CSPP1: variants seen among roughly 807,000 people sequenced by gnomAD.
CSPP1 encodes centrosome and spindle pole associated protein 1.
In CSPP1, 126 loss-of-function variants were observed where a neutral mutation model predicts 164.4. The observed-to-expected ratio is 0.77, with a 90% CI of 0.66 to 0.89. The LOEUF is 0.89. Ranked by LOEUF, CSPP1 falls within the 40% of genes least tolerant of loss-of-function variation. The probability of loss-of-function intolerance (pLI) is 0.00; values close to 1 mark genes in which losing one functional copy is unlikely to be tolerated. For synonymous variants in CSPP1, 472 were observed against 476.7 expected, an observed-to-expected ratio of 0.99 and a Z score of 0.13; for missense variants, 1,395 against 1,449.8, an observed-to-expected ratio of 0.96 and a Z score of 0.61.
intron 15 of CSPP1, among the ~76,000 whole-genome samples, chr8:67,123,594 CT>C (rs1371871507): frequency 1.3e-5 from 2 of 149,006 alleles, no homozygotes; most frequent in Non-Finnish European, 3.0e-5. Flanking sequence ...CCTTTATTAC[CT>C]TCTTTTTCTT....
At chr8:67,172,602 C>A in intron 25 of CSPP1, 47 bp downstream of exon 25, 2 of 1,491,288 alleles carry the variant, frequency 1.3e-6, no homozygotes, top group Non-Finnish European at 1.8e-6. Context: ...AGTGTTCTAC[C>A]CATATTTAAA....
chr8:67,184,093 TC>T (rs1563778247), intron 28 of CSPP1, among the ~76,000 whole-genome samples: 2 of 152,062 alleles, frequency 1.3e-5, no homozygotes, highest in Admixed American at 6.6e-5. Context: ...CCTCAGGTGA[TC>T]CCCCGGCCTT....
At chr8:67,086,154 C>T (rs1277282232) in intron 4 of CSPP1, 44 bp downstream of exon 4, 1 of 922,096 alleles carries the variant, frequency 1.1e-6, no homozygotes, top group Admixed American at 1.7e-5. Flanking sequence ...TTTCAGAATT[C>T]AGCTCCTAAA....
At position 67,091,840 on chromosome 8, in the gene CSPP1, C is replaced by T. The variant is rs928764443; in HGVS notation, c.341C>T (p.Thr114Ile). 2 of 1,350,008 alleles carry T rather than the reference C, an allele frequency of 1.5e-6. No individual in the cohort carries two copies. The highest frequency in any genetic ancestry group is 1.5e-5 in the African/African-American group (1 of 67,062). The allele number at this position is 1,350,008 out of a possible 1,614,324, so 83.6% of individuals were successfully genotyped here. The change falls in exon 5 of 31, where the codon ACT (threonine) becomes ATT (isoleucine). Residue 114 changes from threonine (T) to isoleucine (I), a missense_variant. Transcript: ENST00000678616. ...FLSTSETDPSTLGVSLPIGER... is the reference protein window; with the variant it reads ...FLSTSETDPSILGVSLPIGER... ...TCTACGAGTGAAACAGATCCATCTACTTTGGGAGTTTCTCTTCCTATTGGT... is the reference window on the plus strand; with the variant it reads ...TCTACGAGTGAAACAGATCCATCTATTTTGGGAGTTTCTCTTCCTATTGGT...
chr8:67,158,170 G>T (rs899722845), intron 19 of CSPP1, among the ~76,000 whole-genome samples: 7 of 152,136 alleles, frequency 4.6e-5, no homozygotes, highest in African/African-American at 1.4e-4. Context: ...TGAGATGTAG[G>T]CGTTAATAAC....
At chr8:67,073,126 A>G (rs544606779) in intron 1 of CSPP1, among the ~76,000 whole-genome samples, 1 of 152,284 alleles carries the variant, frequency 6.6e-6, no homozygotes, top group East Asian at 1.9e-4. Flanking sequence ...TGCAATTGTC[A>G]TTACAACCCA....
intron 19 of CSPP1, 131 bp downstream of exon 19, chr8:67,154,267 G>T: frequency 1.8e-6 from 1 of 569,160 alleles, no homozygotes; most frequent in Admixed American, 3.2e-5. Context: ...ATTTATATCA[G>T]ATCAGATATC....
chr8:67,147,049 C>G (rs1824727386), intron 17 of CSPP1, among the ~76,000 whole-genome samples: 1 of 152,134 alleles, frequency 6.6e-6, no homozygotes, highest in Admixed American at 6.5e-5. Flanking sequence ...AGTCTTAAAT[C>G]TTAATAATTA....
intron 4 of CSPP1, chr8:67,086,825 C>A: frequency 1.5e-6 from 2 of 1,358,178 alleles, no homozygotes; most frequent in Non-Finnish European, 2.0e-6. Context: ...GACTTTAGGG[C>A]ATTACACAAG....
chr8:67,096,722 A>T (rs1179578778), intron 7 of CSPP1, among the ~76,000 whole-genome samples: 1 of 151,514 alleles, frequency 6.6e-6, no homozygotes, highest in Non-Finnish European at 1.5e-5. Flanking sequence ...AAAATTAGCC[A>T]GGCGTGGTGG....
At chr8:67,072,516 G>T (rs1176001344) in intron 1 of CSPP1, among the ~76,000 whole-genome samples, 2 of 151,904 alleles carry the variant, frequency 1.3e-5, no homozygotes, top group African/African-American at 2.4e-5. Context: ...TGTATATAAA[G>T]AAATCTTACA....
At chr8:67,116,202 G>A in intron 13 of CSPP1, 80 bp downstream of exon 13, 1 of 982,404 alleles carries the variant, frequency 1.0e-6, no homozygotes, top group Non-Finnish European at 1.6e-6. Context: ...TACTGAAGCG[G>A]ATGACGTTAT....
chr8:67,102,904 G>T (rs923782294), intron 7 of CSPP1, 133 bp from the exon 8 acceptor site: 1 of 484,880 alleles, frequency 2.1e-6, no homozygotes, highest in African/African-American at 2.0e-5. Context: ...ATTTTATAAT[G>T]CATTTATAGT....
At chr8:67,121,629 C>T (rs1187614819) in intron 15 of CSPP1, among the ~76,000 whole-genome samples, 1 of 151,962 alleles carries the variant, frequency 6.6e-6, no homozygotes, top group Non-Finnish European at 1.5e-5. Flanking sequence ...TTGTAGTTTC[C>T]TTATACTGTC....
At chr8:67,101,586 G>C (rs1290206249) in intron 7 of CSPP1, among the ~76,000 whole-genome samples, 1 of 152,190 alleles carries the variant, frequency 6.6e-6, no homozygotes, top group African/African-American at 2.4e-5. Context: ...ATCAGAATGT[G>C]TGTATGTGAT....
At position 67,120,928 on chromosome 8, in the gene CSPP1, A is replaced by T. The variant is rs1436265701; in HGVS notation, c.1697+2107A>T. ...GAGTACAATGTTGTGAACTTGGCTC[A>T]CTGCAACCTCCGCCTCCTGAGTTCA... On this transcript the variant is annotated intron_variant, in intron 15 of 30. Coordinates refer to ENST00000678616, the MANE Select transcript of CSPP1 (RefSeq NM_001382391.1). Among the ~76,000 whole-genome samples, 3 of 151,484 alleles carry T rather than the reference A, an allele frequency of 2.0e-5. No individual in the cohort carries two copies. In the East Asian group the frequency reaches 5.8e-4, roughly 29 times the overall value.
chr8:67,107,402 CCTA>C (rs776586004), intron 9 of CSPP1, among the ~76,000 whole-genome samples: 1 of 152,094 alleles, frequency 6.6e-6, no homozygotes, highest in Non-Finnish European at 1.5e-5. Flanking sequence ...GAGCTGAGAG[CCTA>C]CTGATAAATA....
intron 6 of CSPP1, among the ~76,000 whole-genome samples, chr8:67,094,688 A>G (rs1192355120): frequency 3.3e-5 from 5 of 152,084 alleles, no homozygotes; most frequent in Non-Finnish European, 5.9e-5. Flanking sequence ...CTCCACCTAG[A>G]ATTTTTATGT....
intron 15 of CSPP1, among the ~76,000 whole-genome samples, chr8:67,124,369 C>T (rs1819637745): frequency 6.6e-6 from 1 of 151,966 alleles, no homozygotes; most frequent in Non-Finnish European, 1.5e-5. Context: ...GTACACAAAC[C>T]TTTTCTCTAA....
Sources: gnomAD v4.1 joint callset for allele counts (sites outside exome capture counted in the v4.1 genomes callset) on GRCh38, gnomAD v4.1.1 for gene constraint, MANE v1.5 for transcripts, NCBI Gene and HGNC (gene_info 2026-07-23, HGNC 2026-07-21) for gene names.